The following CHN2 variants were observed in gnomAD, a reference collection of about 807,000 sequenced individuals.
CHN2 encodes the protein beta-chimaerin.
A neutral mutation model predicts 56.3 loss-of-function variants in CHN2; 35 were observed. That is an observed-to-expected ratio of 0.62 (90% CI 0.47 to 0.82). The LOEUF (loss-of-function observed/expected upper bound fraction) is 0.82. Ranked by LOEUF, CHN2 falls within the 40% of genes least tolerant of loss-of-function variation. The probability of loss-of-function intolerance (pLI) is 0.00; values close to 1 mark genes in which losing one functional copy is unlikely to be tolerated. For synonymous variants in CHN2, 210 were observed against 212.8 expected (o/e 0.99, Z 0.12); for missense variants, 491 against 580.5 (o/e 0.85, Z 1.58).
intron 2 of CHN2, among the ~76,000 whole-genome samples, chr7:29,363,992 T>A (rs1463128955): frequency 6.6e-6 from 1 of 152,108 alleles, no homozygotes; most frequent in Non-Finnish European, 1.5e-5. Context: ...GGCAACATAG[T>A]GAGACCCCCA....
intron 1 of CHN2, among the ~76,000 whole-genome samples, chr7:29,223,753 G>C (rs1785980892): frequency 6.6e-6 from 1 of 152,092 alleles, no homozygotes; most frequent in Non-Finnish European, 1.5e-5. Context: ...ATGCACATAT[G>C]CACAGATTTC....
intron 9 of CHN2, among the ~76,000 whole-genome samples, chr7:29,504,525 T>C (rs1045692590): frequency 6.0e-5 from 9 of 151,052 alleles, no homozygotes; most frequent in Middle Eastern, 3.4e-3. Context: ...TGGATTTCCA[T>C]TGAGATCTCC....
rs117747164 is a variant in CHN2, at chr7:29,508,816, C to G, written c.1130-485C>G. ...CGGTGAGAAGTGCCATGAGTGCAGGCTGAGTTGGGTGGCTCATTGCCAATG... is the reference window on the plus strand; with the variant it reads ...CGGTGAGAAGTGCCATGAGTGCAGGGTGAGTTGGGTGGCTCATTGCCAATG... On this transcript the variant is annotated intron_variant, in intron 11 of 12. Transcript: ENST00000222792. 2.6e-3 allele frequency among the ~76,000 whole-genome samples: 392 copies of G among 152,296 alleles called. 3 individuals carry two copies. Among genetic ancestry groups the G allele is most frequent in the Admixed American group, 9.0e-3 (138 of 15,302 alleles).
chr7:29,390,710 T>G (rs1030565197), intron 3 of CHN2, among the ~76,000 whole-genome samples: 5 of 152,226 alleles, frequency 3.3e-5, no homozygotes, highest in African/African-American at 1.2e-4. Flanking sequence ...AAATTCAGTT[T>G]CACAGGTGGG....
chr7:29,472,141 G>GT (rs1380170446), intron 6 of CHN2, among the ~76,000 whole-genome samples: 2 of 152,054 alleles, frequency 1.3e-5, no homozygotes, highest in East Asian at 1.9e-4. Flanking sequence ...AGCATTTCTA[G>GT]TTTTTTCTCT....
chr7:29,189,184 C>G (rs1177982960), intron 2 of CHN2, among the ~76,000 whole-genome samples: 1 of 152,036 alleles, frequency 6.6e-6, no homozygotes, highest in Non-Finnish European at 1.5e-5. Context: ...CTCCTGACCT[C>G]AAATGATCTG....
intron 1 of CHN2, among the ~76,000 whole-genome samples, chr7:29,353,108 C>A (rs1236855683): frequency 6.6e-6 from 1 of 152,178 alleles, no homozygotes; most frequent in African/African-American, 2.4e-5. Context: ...TCTGTAGGTT[C>A]TTGACAATTC....
intron 1 of CHN2, among the ~76,000 whole-genome samples, chr7:29,249,416 C>G (rs927832787): frequency 1.3e-5 from 2 of 152,192 alleles, no homozygotes; most frequent in East Asian, 1.9e-4. Context: ...TTCCAGACCC[C>G]CAGCTGGTTG....
intron 3 of CHN2, among the ~76,000 whole-genome samples, chr7:29,377,667 C>A (rs189824466): frequency 3.9e-5 from 6 of 152,330 alleles, no homozygotes; most frequent in South Asian, 4.1e-4. Flanking sequence ...CAAGGCCCAC[C>A]TCCTTGCCTC....
chr7:29,248,032 C>T (rs780489179), intron 1 of CHN2, among the ~76,000 whole-genome samples: 3 of 152,234 alleles, frequency 2.0e-5, no homozygotes, highest in Non-Finnish European at 4.4e-5. Flanking sequence ...GACCAACCAG[C>T]TGGCAGTGGG....
chr7:29,427,485 G>C (rs772089626), intron 6 of CHN2, among the ~76,000 whole-genome samples: 1 of 151,946 alleles, frequency 6.6e-6, no homozygotes, highest in Non-Finnish European at 1.5e-5. Context: ...GTCATAGGGG[G>C]CATCTGAAAT....
chr7:29,233,064 C>G (rs1165177152), intron 1 of CHN2, among the ~76,000 whole-genome samples: 1 of 152,164 alleles, frequency 6.6e-6, no homozygotes, highest in East Asian at 1.9e-4. Flanking sequence ...TTCTCAATGT[C>G]ATACTAGAGA....
Position 29,233,825 on chromosome 7 carries a change from A to ATTTTTTTTTTTTTTTTTTTT in CHN2, c.49+38842_49+38861dup, listed in dbSNP as rs1175429614. On this transcript the variant is annotated intron_variant, in intron 1 of 12. Transcript: ENST00000222792. ...AGAATGCAGCCCTGCCAACACCTTG[A>ATTTTTTTTTTTTTTTTTTTT]TTTTTTTTTTTTTTTTTTTTTTTTT... Among the ~76,000 whole-genome samples the ATTTTTTTTTTTTTTTTTTTT allele has an allele frequency of 2.3e-4, 12 of 53,202 alleles. 3 individuals are homozygous for ATTTTTTTTTTTTTTTTTTTT. Among genetic ancestry groups the ATTTTTTTTTTTTTTTTTTTT allele is most frequent in the Non-Finnish European group, 3.1e-4 (9 of 29,100 alleles). 34.9% of individuals were successfully genotyped at this position (53,202 alleles called of 152,430 possible). A position where few individuals can be genotyped will look rare whatever the true frequency, so the allele number is the denominator to read the frequency against.
intron 1 of CHN2, among the ~76,000 whole-genome samples, chr7:29,332,734 G>A (rs531636237): frequency 6.6e-6 from 1 of 152,252 alleles, no homozygotes; most frequent in South Asian, 2.1e-4. Context: ...TGTGTGAGAT[G>A]ATTTTGCCCC....
chr7:29,239,739 G>T (rs922023710), intron 1 of CHN2, among the ~76,000 whole-genome samples: 1 of 152,028 alleles, frequency 6.6e-6, no homozygotes, highest in Non-Finnish European at 1.5e-5. Flanking sequence ...GCTGAGCCTG[G>T]CCTGGGAGTT....
chr7:29,429,934 T>G (rs143565097), intron 6 of CHN2, among the ~76,000 whole-genome samples: 1 of 152,214 alleles, frequency 6.6e-6, no homozygotes. Flanking sequence ...GTTTGTGTTA[T>G]AATTAATTGG....
chr7:29,433,505 C>T (rs1782991924), intron 6 of CHN2, among the ~76,000 whole-genome samples: 2 of 152,122 alleles, frequency 1.3e-5, no homozygotes, highest in African/African-American at 2.4e-5. Flanking sequence ...CCAGAAGTGT[C>T]GTGGACAAAC....
Position 29,169,382 on chromosome 7 carries a change from A to T in CHN2, c.274+22422A>T, listed in dbSNP as rs182315912. ...TTTAGAGTTTAACAATTCCATTTTC[A>T]TACCCCTCTAAACACACCATTTTAA... is the stretch of plus-strand genomic sequence containing the variant. On this transcript the variant is annotated intron_variant, in intron 2 of 6. Coordinates refer to the CHN2 transcript ENST00000439384. 2.6e-5 allele frequency among the ~76,000 whole-genome samples: 4 copies of T among 152,286 alleles called. No individual in the cohort carries two copies. The East Asian group carries it at 7.7e-4, about 29-fold the overall frequency.
At chr7:29,427,876 C>G (rs1427454084) in intron 6 of CHN2, among the ~76,000 whole-genome samples, 1 of 151,882 alleles carries the variant, frequency 6.6e-6, no homozygotes, top group African/African-American at 2.4e-5. Context: ...AGGTTGGTCT[C>G]GATCTCTTGA....
Sources: gnomAD v4.1 joint callset for allele counts (sites outside exome capture counted in the v4.1 genomes callset) on GRCh38, gnomAD v4.1.1 for gene constraint, MANE v1.5 for transcripts, NCBI Gene and HGNC (gene_info 2026-07-23, HGNC 2026-07-21) for gene names.